DCDC2: variants seen among roughly 807,000 people sequenced by gnomAD.
DCDC2 encodes doublecortin domain-containing protein 2.
Under a neutral mutation model 50.2 loss-of-function variants are expected in DCDC2, and 40 were observed. That is an observed-to-expected ratio of 0.80 (90% CI 0.62 to 1.04). DCDC2 has a LOEUF of 1.04. Ranked by LOEUF, DCDC2 falls within the 50% of genes least tolerant of loss-of-function variation. The probability of loss-of-function intolerance (pLI) is 0.00; values close to 1 mark genes in which losing one functional copy is unlikely to be tolerated. For missense variants in DCDC2, 570 were observed against 581.9 expected (o/e 0.98, Z 0.21); for synonymous variants, 234 against 210.6 (o/e 1.11, Z -0.96).
At chr6:24,257,958 T>A (rs145258935) in intron 7 of DCDC2, among the ~76,000 whole-genome samples, 2 of 152,032 alleles carry the variant, frequency 1.3e-5, no homozygotes, top group Non-Finnish European at 2.9e-5. Flanking sequence ...GAATGAGGCA[T>A]GGAAAAATCT....
Position 24,276,599 on chromosome 6 carries a change from GCCTCA to G in DCDC2, c.922+1445_922+1449del, listed in dbSNP as rs1763363690. On this transcript the variant is annotated intron_variant, in intron 7 of 9. Coordinates refer to ENST00000378454, the MANE Select transcript of DCDC2 (RefSeq NM_016356.5). ...TAGGACATAGCCCAAGGCTTTGGGG[GCCTCA>G]CAATCTAGTATCTATTAATTTTTTA... Among the ~76,000 whole-genome samples, 4 of 152,130 alleles carry G rather than the reference GCCTCA, an allele frequency of 2.6e-5. No individual in the cohort carries two copies. In the South Asian group the frequency reaches 8.3e-4, roughly 32 times the overall value.
intron 7 of DCDC2, among the ~76,000 whole-genome samples, chr6:24,217,208 AAGAT>A (rs1162253782): frequency 1.3e-5 from 2 of 152,206 alleles, no homozygotes; most frequent in Non-Finnish European, 2.9e-5. Context: ...TGATAAACCT[AAGAT>A]AGAAGACTGA....
intron 8 of DCDC2, among the ~76,000 whole-genome samples, chr6:24,200,685 A>G (rs908635880): frequency 1.3e-5 from 2 of 152,218 alleles, no homozygotes; most frequent in Non-Finnish European, 2.9e-5. Context: ...AAACGCCCCA[A>G]TTAAAAGACA....
chr6:24,178,224 TG>T lies in DCDC2; in HGVS notation c.1326+105del. On this transcript the variant is annotated intron_variant, in intron 9 of 9. Transcript: ENST00000378454. ...TGGATCTTTCCTACTCAACCACAAG[TG>T]GTTTCAATACAAGTCCTAAACACTT... 6 of 1,125,174 alleles carry T rather than the reference TG, an allele frequency of 5.3e-6. No individual in the cohort carries two copies. The South Asian group carries it at 7.4e-5, about 14-fold the overall frequency. 69.7% of individuals were successfully genotyped at this position (1,125,174 alleles called of 1,614,324 possible).
At chr6:24,175,751 C>G (rs561767177) in intron 9 of DCDC2, among the ~76,000 whole-genome samples, 1 of 152,280 alleles carries the variant, frequency 6.6e-6, no homozygotes, top group African/African-American at 2.4e-5. Context: ...AGAATTGTTA[C>G]ATGGAACAAA....
chr6:24,370,450 G>A, the DCDC2 span, among the ~76,000 whole-genome samples: 3 of 152,188 alleles, frequency 2.0e-5, no homozygotes, highest in East Asian at 5.8e-4. Context: ...GCTCATGCCT[G>A]TAATCCCAGC....
intron 9 of DCDC2, 51 bp from the exon 10 acceptor site, chr6:24,174,885 G>A: frequency 1.7e-6 from 2 of 1,181,368 alleles, no homozygotes; most frequent in Non-Finnish European, 2.4e-6. Context: ...GGTTCACAAA[G>A]GTAATGACAT....
At chr6:24,235,972 A>C (rs2113786979) in intron 7 of DCDC2, among the ~76,000 whole-genome samples, 1 of 152,360 alleles carries the variant, frequency 6.6e-6, no homozygotes, top group Non-Finnish European at 1.5e-5. Flanking sequence ...ATGGAAAAAC[A>C]TTCCATGCTC....
chr6:24,196,402 A>T (rs1761441434), intron 8 of DCDC2, among the ~76,000 whole-genome samples: 1 of 152,184 alleles, frequency 6.6e-6, no homozygotes, highest in Admixed American at 6.5e-5. Context: ...GTAGGTAGAT[A>T]GAATAAGACT....
At chr6:24,378,904 A>G in the DCDC2 span, among the ~76,000 whole-genome samples, 1 of 136,016 alleles carries the variant, frequency 7.4e-6, no homozygotes, top group Non-Finnish European at 1.5e-5. Flanking sequence ...GTGAGCTATG[A>G]GTGTGCCACT....
Position 24,171,833 on chromosome 6 carries a change from A to T in DCDC2, c.*2897T>A, listed in dbSNP as rs933125066. On this transcript the variant is annotated 3_prime_UTR_variant, in exon 10 of 10. Transcript: ENST00000378454. The stretch of plus-strand genomic sequence containing the variant: ...TTTTACTAACAAACCATTTGTTTAC[A>T]AGTGTCTTAAAATCCAGATAAGTTT... 2 of 152,202 alleles carry T rather than the reference A, an allele frequency of 1.3e-5. No homozygotes were observed. Among genetic ancestry groups the T allele is most frequent in the Non-Finnish European group, 2.9e-5 (2 of 68,024 alleles). 9.4% of individuals were successfully genotyped at this position (152,202 alleles called of 1,614,324 possible).
At chr6:24,306,775 T>C (rs1759483759) in intron 2 of DCDC2, among the ~76,000 whole-genome samples, 2 of 152,200 alleles carry the variant, frequency 1.3e-5, no homozygotes, top group African/African-American at 4.8e-5. Context: ...AAAAATAAAA[T>C]GCTTCATGTG....
At chr6:24,362,351 AATT>A (rs1449888519), upstream of DCDC2, among the ~76,000 whole-genome samples, 2 of 142,974 alleles carry the variant, frequency 1.4e-5, no homozygotes, top group African/African-American at 5.1e-5. Flanking sequence ...ATGTTGATAC[AATT>A]ATTTTTTATT....
At chr6:24,331,653 T>C (rs960080529) in intron 2 of DCDC2, among the ~76,000 whole-genome samples, 28 of 152,204 alleles carry the variant, frequency 1.8e-4, no homozygotes, top group Non-Finnish European at 4.0e-4. Flanking sequence ...TAAGTATTTT[T>C]TATAATTATA....
chr6:24,382,009 A>AAGGAAGGAAGGAAGGCAGGCAGGCAGGC, the DCDC2 span, among the ~76,000 whole-genome samples: 6 of 116,502 alleles, frequency 5.2e-5, no homozygotes, highest in East Asian at 7.9e-4. Flanking sequence ...GGAAGGAAGG[A>AAGGAAGGAAGGAAGGCAGGCAGGCAGGC]AGGCAGGCAA....
Position 24,178,344 on chromosome 6 carries a change from T to C in DCDC2, c.1312A>G (p.Ser438Gly), listed in dbSNP as rs138279131. Residue 438 changes from serine to glycine, a missense_variant, in exon 9 of 10, where the codon AGT (serine) becomes GGT (glycine). Ser to Gly is a moderately conservative substitution (Grantham distance 56). Coordinates refer to ENST00000378454, the MANE Select transcript of DCDC2 (RefSeq NM_016356.5). ...DKERKSQGAGSGQDEADVDPQ... is the reference protein window; with the variant it reads ...DKERKSQGAGGGQDEADVDPQ... ...AATAGAAATACCTCATCTTGTCCAC[T>C]GCCAGCTCCTTGAGACTTTCTTTCC... The C allele has an allele frequency of 1.2e-6, 2 of 1,613,544 alleles. No homozygotes were observed. Among genetic ancestry groups the C allele is most frequent in the Non-Finnish European group, 1.7e-6 (2 of 1,179,654 alleles).
chr6:24,334,766 T>G (rs764833943), intron 2 of DCDC2, among the ~76,000 whole-genome samples: 6 of 152,192 alleles, frequency 3.9e-5, no homozygotes, highest in Non-Finnish European at 8.8e-5. Flanking sequence ...GTGAAGAATG[T>G]TGCTCCAGCA....
At chr6:24,183,870 G>A (rs369756034) in intron 8 of DCDC2, among the ~76,000 whole-genome samples, 7 of 152,214 alleles carry the variant, frequency 4.6e-5, no homozygotes, top group East Asian at 3.9e-4. Flanking sequence ...CGGGAAAGGA[G>A]TGGGTTGTTT....
intron 2 of DCDC2, among the ~76,000 whole-genome samples, chr6:24,334,344 G>A (rs1461452112): frequency 7.9e-5 from 12 of 152,150 alleles, no homozygotes; most frequent in Admixed American, 7.2e-4. Flanking sequence ...CAGGACTTGC[G>A]GTGGCCCTCA....
Sources: allele counts gnomAD v4.1 joint callset (sites outside exome capture counted in the v4.1 genomes callset), GRCh38; gene constraint gnomAD v4.1.1; transcripts MANE v1.5; gene names NCBI Gene and HGNC (gene_info 2026-07-23, HGNC 2026-07-21).